Variants in L3MBTL4 observed in about 807,000 individuals in gnomAD.
The protein encoded by L3MBTL4 is L3MBTL histone methyl-lysine binding protein 4, also known as lethal(3)malignant brain tumor-like protein 4.
A neutral mutation model predicts 84.5 loss-of-function variants in L3MBTL4; 70 were observed. That is an observed-to-expected ratio of 0.83 (90% confidence interval 0.68 to 1.01). The LOEUF (loss-of-function observed/expected upper bound fraction) is 1.01. L3MBTL4 is among the 50% of genes least tolerant of loss of function. The pLI is 0.00. For synonymous variants in L3MBTL4, 274 were observed against 259.8 expected (o/e 1.05, Z -0.52); for missense variants, 715 against 754.8 (o/e 0.95, Z 0.62).
At chr18:6,371,927 C>T (rs569394836) in intron 1 of L3MBTL4, among the ~76,000 whole-genome samples, 10 of 152,266 alleles carry the variant, frequency 6.6e-5, no homozygotes, top group East Asian at 1.9e-4. Context: ...TCTACCTTGA[C>T]GCAATGAACA....
intron 16 of L3MBTL4, among the ~76,000 whole-genome samples, chr18:5,971,052 T>G (rs1177106697): frequency 6.6e-6 from 1 of 152,246 alleles, no homozygotes; most frequent in African/African-American, 2.4e-5. Context: ...CTCTAACTGC[T>G]GATTGTCCAA....
At chr18:6,274,119 A>G (rs1448907784) in intron 4 of L3MBTL4, among the ~76,000 whole-genome samples, 1 of 152,242 alleles carries the variant, frequency 6.6e-6, no homozygotes, top group African/African-American at 2.4e-5. Context: ...GGAGCTCATC[A>G]AAGGTTTCCC....
chr18:6,010,737 T>TA (rs1418891229), intron 16 of L3MBTL4, among the ~76,000 whole-genome samples: 25 of 152,122 alleles, frequency 1.6e-4, no homozygotes, highest in Admixed American at 7.9e-4. Context: ...TTTATTTTTT[T>TA]AAAAAAAGCA....
intron 10 of L3MBTL4, among the ~76,000 whole-genome samples, chr18:6,236,620 T>C (rs760461472): frequency 9.2e-5 from 14 of 152,220 alleles, no homozygotes; most frequent in Non-Finnish European, 1.8e-4. Context: ...GACAAGCATT[T>C]CATCTCATCT....
chr18:6,025,259 T>C (rs1270856240), intron 16 of L3MBTL4: 1 of 152,162 alleles, frequency 6.6e-6, no homozygotes, highest in Admixed American at 6.5e-5. Flanking sequence ...CACAAAAATA[T>C]CTACTTTAAA....
chr18:6,093,951 T>C (rs1446942841), intron 14 of L3MBTL4, among the ~76,000 whole-genome samples: 1 of 152,246 alleles, frequency 6.6e-6, no homozygotes, highest in East Asian at 1.9e-4. Context: ...TATTGCGTTT[T>C]CATTTCTTAA....
intron 16 of L3MBTL4, among the ~76,000 whole-genome samples, chr18:6,023,501 T>C (rs2055362693): frequency 6.6e-6 from 1 of 152,206 alleles, no homozygotes; most frequent in Non-Finnish European, 1.5e-5. Flanking sequence ...TTTAGCTTTC[T>C]ATGAAATGAG....
chr18:6,060,114 G>T (rs1382877680), intron 16 of L3MBTL4, among the ~76,000 whole-genome samples: 6 of 152,038 alleles, frequency 3.9e-5, no homozygotes, highest in African/African-American at 1.5e-4. Context: ...ATTTATAATA[G>T]ATATTTAATT....
At chr18:6,188,172 A>G (rs564202086) in intron 12 of L3MBTL4, among the ~76,000 whole-genome samples, 47 of 152,134 alleles carry the variant, frequency 3.1e-4, no homozygotes, top group African/African-American at 1.1e-3. Context: ...ATTGGCCTTC[A>G]CAAAGATCAC....
At chr18:6,072,920 A>G in intron 16 of L3MBTL4, among the ~76,000 whole-genome samples, 1 of 113,538 alleles carries the variant, frequency 8.8e-6, no homozygotes, top group African/African-American at 3.5e-5. Flanking sequence ...ATATATATAT[A>G]TATATACACA....
intron 14 of L3MBTL4, among the ~76,000 whole-genome samples, chr18:6,111,364 T>C (rs1270523631): frequency 6.6e-6 from 1 of 152,174 alleles, no homozygotes; most frequent in Non-Finnish European, 1.5e-5. Context: ...TGTAATAAAG[T>C]TGTTATTTTA....
chr18:6,098,601 A>G (rs901008164), intron 14 of L3MBTL4, among the ~76,000 whole-genome samples: 4 of 152,178 alleles, frequency 2.6e-5, no homozygotes, highest in African/African-American at 9.7e-5. Context: ...AGTCGCCCAA[A>G]ATAGGCAAGT....
intron 13 of L3MBTL4, among the ~76,000 whole-genome samples, chr18:6,155,095 T>C (rs1020983111): frequency 1.3e-5 from 2 of 152,128 alleles, no homozygotes; most frequent in Admixed American, 1.3e-4. Context: ...TCAAGTCAAA[T>C]AGCAACAAGG....
chr18:6,192,815 C>A (rs1238068723), intron 12 of L3MBTL4, among the ~76,000 whole-genome samples: 1 of 152,046 alleles, frequency 6.6e-6, no homozygotes, highest in Non-Finnish European at 1.5e-5. Context: ...CAAACTTCTC[C>A]AGGGCCATGG....
intron 5 of L3MBTL4, among the ~76,000 whole-genome samples, chr18:6,262,623 T>C (rs918393850): frequency 6.6e-6 from 1 of 152,150 alleles, no homozygotes; most frequent in African/African-American, 2.4e-5. Context: ...GGGTCTGATT[T>C]AGTAGGTCTC....
chr18:6,320,792 C>G (rs2051362488), intron 1 of L3MBTL4, among the ~76,000 whole-genome samples: 1 of 152,034 alleles, frequency 6.6e-6, no homozygotes, highest in African/African-American at 2.4e-5. Flanking sequence ...CAAAGCAACC[C>G]TAAGCAAAAA....
At chr18:6,030,992 TC>T (rs1343604512) in intron 16 of L3MBTL4, 157 of 985,186 alleles carry the variant, frequency 1.6e-4, no homozygotes, top group Admixed American at 7.4e-4. Context: ...ATTTCATCTT[TC>T]CCTTTACCAA....
chr18:5,958,892 T>C (rs2095247862), intron 18 of L3MBTL4, among the ~76,000 whole-genome samples: 1 of 152,104 alleles, frequency 6.6e-6, no homozygotes, highest in Non-Finnish European at 1.5e-5. Flanking sequence ...AAAAAGCCAC[T>C]CCCTCTTACC....
chr18:6,215,664 T>A (rs762564016), intron 11 of L3MBTL4, 86 bp downstream of exon 11: 3 of 621,632 alleles, frequency 4.8e-6, no homozygotes, highest in Non-Finnish European at 7.9e-6. Context: ...AAGAAAAAAC[T>A]AGAATAATTT....
Sources: gnomAD v4.1 joint callset for allele counts (sites outside exome capture counted in the v4.1 genomes callset) on GRCh38, gnomAD v4.1.1 for gene constraint, MANE v1.5 for transcripts, NCBI Gene and HGNC (gene_info 2026-07-23, HGNC 2026-07-21) for gene names.